Variants in CGAS observed in about 807,000 individuals in gnomAD.
The protein encoded by CGAS is cyclic GMP-AMP synthase.
CGAS carries 31 observed loss-of-function variants against 34.0 expected under a neutral mutation model. That is an observed-to-expected ratio of 0.91 (90% CI 0.69 to 1.23). CGAS has a LOEUF of 1.23. Among genes scored for constraint, CGAS ranks in the 50% most tolerant of loss-of-function variants. CGAS has a pLI of 0.00. For missense variants in CGAS, 597 were observed against 657.6 expected (o/e 0.91, Z 1.01); for synonymous variants, 266 against 260.0 (o/e 1.02, Z -0.22).
chr6:73,428,288 C>A (rs1283249027), intron 4 of CGAS, among the ~76,000 whole-genome samples: 1 of 151,944 alleles, frequency 6.6e-6, no homozygotes, highest in Non-Finnish European at 1.5e-5. Context: ...GCCGTCAACA[C>A]AACCCAACTA....
intron 3 of CGAS, among the ~76,000 whole-genome samples, chr6:73,436,875 G>C (rs901647950): frequency 6.6e-6 from 1 of 152,118 alleles, no homozygotes; most frequent in Non-Finnish European, 1.5e-5. Context: ...GGAAGGCCAG[G>C]CACGGTGGCT....
At position 73,424,547 on chromosome 6, in the gene CGAS, C is replaced by T. The variant is rs1022179714; in HGVS notation, c.*680G>A. On this transcript the variant is annotated 3_prime_UTR_variant, in exon 5 of 5. Transcript: ENST00000370315. ...ATATGTACTTTATCTTTTTTTATTC[C>T]AACCTAAAAATGTCATTTATTTATT... 6.6e-6 allele frequency: 1 copy of T among 150,918 alleles called. No individual in the cohort carries two copies. The highest frequency in any genetic ancestry group is 1.5e-5 in the Non-Finnish European group (1 of 67,838). 9.3% of individuals were successfully genotyped at this position (150,918 alleles called of 1,614,324 possible).
In CGAS at chr6:73,451,897, G is replaced by A. The variant is rs1442794797; in HGVS notation, c.285C>T (p.Asp95=). The change falls in exon 1 of 5, where the codon GAC becomes GAT. Residue 95 remains aspartate, a synonymous_variant. Transcript: ENST00000370315. ...CCTCTGCCCCAGGGGCGCTGGTGGC[G>A]TCAGACGGCTGCGTGTCCTGGGCGC... The part of the protein sequence containing the change: ...PQRAQDTQPS[D]ATSAPGAEGL... 4 of 1,530,894 alleles carry A rather than the reference G, an allele frequency of 2.6e-6. No homozygotes were observed. The highest frequency in any genetic ancestry group is 3.5e-6 in the Non-Finnish European group (4 of 1,135,440). The allele number at this position is 1,530,894 out of a possible 1,614,324, so 94.8% of individuals were successfully genotyped here.
intron 3 of CGAS, 46 bp from the exon 4 acceptor site, chr6:73,428,857 C>T (rs1562290665): frequency 6.6e-7 from 1 of 1,504,488 alleles, no homozygotes; most frequent in Non-Finnish European, 9.1e-7. Context: ...CCCAAAGCAT[C>T]CATATCTAAA....
Position 73,425,261 on chromosome 6 carries a change from C to T in CGAS, c.1535G>A (p.Arg512Lys), listed in dbSNP as rs768207867. The change falls in exon 5 of 5, where the codon AGA becomes AAA. Residue 512 changes from arginine (R) to lysine (K), a missense_variant. This residue lies in a region of CGAS where 271 missense variants were observed against 324.1 expected (regional missense o/e 0.84). Coordinates refer to ENST00000370315, the MANE Select transcript of CGAS (RefSeq NM_138441.3). ...ATCAAAAACTGGAAACTCATTGTTT[C>T]TTTCATATTCAATTTGCTTTGTCAG... ...EFLTKQIEYE[R>K]NNEFPVFDEF is the part of the protein sequence containing the mutation. 3.0e-5 allele frequency: 47 copies of T among 1,591,970 alleles called. No individual in the cohort carries two copies. In the African/African-American group the frequency reaches 5.9e-4, roughly 20 times the overall value.
At chr6:73,445,462 G>A in intron 2 of CGAS, 66 bp downstream of exon 2, 4 of 1,120,046 alleles carry the variant, frequency 3.6e-6, no homozygotes, top group South Asian at 1.6e-5. Flanking sequence ...ACATGAGAAT[G>A]GGAGTGTACA....
At position 73,440,995 on chromosome 6, in the gene CGAS, G is replaced by A. The variant is rs191347370; in HGVS notation, c.878-550C>T. ...CAAGATGGTGTGGGGCATATATGATGAAGGGGTCTCTGTAGACTTTGAGGT... is the reference window on the plus strand; with the variant it reads ...CAAGATGGTGTGGGGCATATATGATAAAGGGGTCTCTGTAGACTTTGAGGT... On this transcript the variant is annotated intron_variant, in intron 2 of 4. Transcript: ENST00000370315. 2.4e-3 allele frequency among the ~76,000 whole-genome samples: 372 copies of A among 152,104 alleles called. 2 individuals carry two copies. Among genetic ancestry groups the A allele is most frequent in the African/African-American group, 8.5e-3 (353 of 41,534 alleles).
chr6:73,441,648 T>A (rs545155475), intron 2 of CGAS, among the ~76,000 whole-genome samples: 1 of 152,262 alleles, frequency 6.6e-6, no homozygotes, highest in East Asian at 1.9e-4. Flanking sequence ...TGTGGGACAC[T>A]CAAGTGGAGA....
chr6:73,445,757 A>T lies in CGAS; in HGVS notation c.658-10T>A, dbSNP rs1054949278. 2.6e-6 allele frequency: 4 copies of T among 1,553,622 alleles called. No homozygotes were observed. The highest frequency in any genetic ancestry group is 3.5e-6 in the Non-Finnish European group (4 of 1,142,066). On this transcript the variant is annotated splice_polypyrimidine_tract_variant and intron_variant, in intron 1 of 4. Transcript: ENST00000370315. ...CATTAGGTGCAGAAATCTAAGAAAC[A>T]GTAAAAATAGTACTGAAATATTTGC...
At position 73,451,508 on chromosome 6, in the gene CGAS, G is replaced by C. The variant is rs200975193; in HGVS notation, c.657+17C>G. On this transcript the variant is annotated intron_variant, in intron 1 of 4. Transcript: ENST00000370315. ...GCCGAGCAGCGGGGCTCGGCGGGAGGGCGCCAAGCAGCTCACCTTCACGTG... is the reference window on the plus strand; with the variant it reads ...GCCGAGCAGCGGGGCTCGGCGGGAGCGCGCCAAGCAGCTCACCTTCACGTG... The C allele has an allele frequency of 2.0e-6, 3 of 1,523,800 alleles. No individual in the cohort carries two copies. Among genetic ancestry groups the C allele is most frequent in the Non-Finnish European group, 1.8e-6 (2 of 1,128,504 alleles). 94.4% of individuals were successfully genotyped at this position (1,523,800 alleles called of 1,614,324 possible).
chr6:73,430,098 T>C (rs1770169414), intron 3 of CGAS, among the ~76,000 whole-genome samples: 1 of 151,918 alleles, frequency 6.6e-6, no homozygotes, highest in South Asian at 2.1e-4. Context: ...AGATGGACAC[T>C]TGATTCCATA....
At chr6:73,439,397 C>A (rs1232043462) in intron 3 of CGAS, among the ~76,000 whole-genome samples, 1 of 150,782 alleles carries the variant, frequency 6.6e-6, no homozygotes, top group African/African-American at 2.4e-5. Context: ...AGGAGAATCG[C>A]TTTAACCCGG....
chr6:73,452,157 T>C lies in CGAS; in HGVS notation c.25A>G (p.Met9Val), dbSNP rs34605178. The change falls in exon 1 of 5, where the codon ATG becomes GTG. Residue 9 changes from methionine (M) to valine (V), a missense_variant. This residue lies in a region of CGAS where 321 missense variants were observed against 314.3 expected (regional missense o/e 1.02). Transcript: ENST00000370315. ...GCTCCGGCCTCGGAAGCTCTCTGCA[T>C]GGCCTTTCCGTGCCAAGGCTGCATG... is the stretch of plus-strand genomic sequence containing the variant. MQPWHGKA[M>V]QRASEAGATA... 19 of 1,608,444 alleles carry C rather than the reference T, an allele frequency of 1.2e-5. No homozygotes were observed. In the Admixed American group the frequency reaches 2.9e-4, roughly 24 times the overall value.
At chr6:73,441,158 G>A (rs1275671573) in intron 2 of CGAS, among the ~76,000 whole-genome samples, 4 of 146,922 alleles carry the variant, frequency 2.7e-5, no homozygotes, top group South Asian at 2.1e-4. Flanking sequence ...GCACGATCTC[G>A]GCTCACTGCA....
At chr6:73,440,568 G>A in intron 2 of CGAS, 123 bp from the exon 3 acceptor site, 1 of 888,404 alleles carries the variant, frequency 1.1e-6, no homozygotes, top group Admixed American at 2.9e-5. Context: ...AAACATTAGT[G>A]GTAAAACAGA....
At position 73,424,326 on chromosome 6, in the gene CGAS, C is replaced by G. The variant is rs994137956; in HGVS notation, c.*901G>C. On this transcript the variant is annotated 3_prime_UTR_variant, in exon 5 of 5. Coordinates refer to ENST00000370315, the MANE Select transcript of CGAS (RefSeq NM_138441.3). Reference sequence around the variant, plus strand: ...GCGGGCACCTGTAGTCCCAGCTACTCGGAAGGCTGAGGCAGGAGAATGGCA... The same window carrying G: ...GCGGGCACCTGTAGTCCCAGCTACTGGGAAGGCTGAGGCAGGAGAATGGCA... The G allele has an allele frequency of 3.3e-5, 5 of 151,130 alleles. No individual in the cohort carries two copies. In the Admixed American group the frequency reaches 3.3e-4, roughly 10 times the overall value. 9.4% of individuals were successfully genotyped at this position (151,130 alleles called of 1,614,324 possible).
At chr6:73,447,393 C>T (rs1770489404) in intron 1 of CGAS, among the ~76,000 whole-genome samples, 1 of 152,098 alleles carries the variant, frequency 6.6e-6, no homozygotes, top group Non-Finnish European at 1.5e-5. Context: ...AAGCAATTCT[C>T]CTGCCTCAGC....
At chr6:73,434,934 C>T (rs112186658) in intron 3 of CGAS, among the ~76,000 whole-genome samples, 7,726 of 152,082 alleles carry the variant, frequency 0.051, 371 homozygotes, top group African/African-American at 0.12. Context: ...AGGCAAGACC[C>T]ACTGTGCCCA....
chr6:73,450,114 G>A (rs1051093734), intron 1 of CGAS, among the ~76,000 whole-genome samples: 9 of 150,368 alleles, frequency 6.0e-5, no homozygotes, highest in African/African-American at 2.2e-4. Context: ...GAGAAGAGAA[G>A]AGAAAAAAGA....
Sources: gnomAD v4.1 joint callset for allele counts (sites outside exome capture counted in the v4.1 genomes callset) on GRCh38, gnomAD v4.1.1 for gene constraint, gnomAD v4.1.1 regional missense constraint, MANE v1.5 for transcripts, NCBI Gene and HGNC (gene_info 2026-07-23, HGNC 2026-07-21) for gene names.